Variants in PRMT8 observed in about 807,000 individuals in gnomAD.
PRMT8 encodes protein arginine methyltransferase 8.
PRMT8 carries 7 observed loss-of-function variants against 47.1 expected under a neutral mutation model. That is an observed-to-expected ratio of 0.15 (90% CI 0.08 to 0.28). The LOEUF (loss-of-function observed/expected upper bound fraction) is 0.28, where lower values mean the gene tolerates loss of function less well. Among genes scored for constraint, PRMT8 ranks in the 10% least tolerant of loss-of-function variants. The pLI is 1.00. For synonymous variants in PRMT8, 188 were observed against 186.5 expected, an observed-to-expected ratio of 1.01 and a Z score of -0.07; for missense variants, 237 against 505.4, an observed-to-expected ratio of 0.47 and a Z score of 5.09.
chr12:3,433,827 G>T (rs530967800), intron 1 of PRMT8, among the ~76,000 whole-genome samples: 17 of 152,110 alleles, frequency 1.1e-4, no homozygotes, highest in Non-Finnish European at 2.4e-4. Context: ...GGCCAGGCTG[G>T]TCTCGAACTC....
intron 1 of PRMT8, among the ~76,000 whole-genome samples, chr12:3,392,042 G>A (rs1256817391): frequency 6.6e-6 from 1 of 152,022 alleles, no homozygotes; most frequent in Non-Finnish European, 1.5e-5. Context: ...GAAAGTGCAG[G>A]GCAAATTAAG....
chr12:3,487,287 G>A (rs748228236), upstream of PRMT8, among the ~76,000 whole-genome samples: 4 of 152,134 alleles, frequency 2.6e-5, no homozygotes, highest in East Asian at 1.9e-4. Flanking sequence ...ATAATATGTC[G>A]CCCCTTTCAG....
At chr12:3,447,518 A>C (rs1864870863) in intron 1 of PRMT8, among the ~76,000 whole-genome samples, 1 of 151,990 alleles carries the variant, frequency 6.6e-6, no homozygotes, top group African/African-American at 2.4e-5. Flanking sequence ...TCAGTCACCA[A>C]ATTCCCACTC....
intron 1 of PRMT8, among the ~76,000 whole-genome samples, chr12:3,451,334 G>A (rs1308932953): frequency 1.3e-5 from 2 of 152,154 alleles, no homozygotes; most frequent in Admixed American, 1.3e-4. Flanking sequence ...AAGTCTTGCA[G>A]CTAGTTGTGG....
At chr12:3,532,727 G>A (rs1866052726) in intron 1 of PRMT8, among the ~76,000 whole-genome samples, 1 of 151,394 alleles carries the variant, frequency 6.6e-6, no homozygotes, top group Non-Finnish European at 1.5e-5. Flanking sequence ...TACAATGTGG[G>A]AAAATGTTAC....
intron 1 of PRMT8, among the ~76,000 whole-genome samples, chr12:3,531,675 G>A (rs1016632441): frequency 6.6e-6 from 1 of 152,184 alleles, no homozygotes; most frequent in Non-Finnish European, 1.5e-5. Flanking sequence ...TGCTGAGGGC[G>A]GCCTTCGCGT....
At chr12:3,387,169 A>G (rs1450972426) in intron 1 of PRMT8, among the ~76,000 whole-genome samples, 1 of 152,240 alleles carries the variant, frequency 6.6e-6, no homozygotes, top group East Asian at 1.9e-4. Flanking sequence ...TATACATGCA[A>G]TAGGGCCTGC....
intron 1 of PRMT8, among the ~76,000 whole-genome samples, chr12:3,513,057 A>G (rs1865736355): frequency 6.6e-6 from 1 of 152,188 alleles, no homozygotes; most frequent in South Asian, 2.1e-4. Flanking sequence ...GAGAACTGCA[A>G]CACCGGGGAT....
intron 1 of PRMT8, among the ~76,000 whole-genome samples, chr12:3,428,459 T>C (rs1445526832): frequency 6.6e-6 from 1 of 152,082 alleles, no homozygotes; most frequent in Admixed American, 6.5e-5. Flanking sequence ...CAGCTGCGGG[T>C]CACTGGGTTA....
rs1158552768 is a variant in PRMT8, at chr12:3,569,963, G to T, written c.712+399G>T. 6.6e-6 allele frequency among the ~76,000 whole-genome samples: 1 copy of T among 152,180 alleles called. No individual in the cohort carries two copies. The highest frequency in any genetic ancestry group is 1.9e-4 in the East Asian group (1 of 5,198). On this transcript the variant is annotated intron_variant, in intron 6 of 9. Coordinates refer to ENST00000382622, the MANE Select transcript of PRMT8 (RefSeq NM_019854.5). This position sits in a 1 kb window ranked among gnomAD's most constrained non-coding sequence, Gnocchi z 8.2. ...TAGCAGGTCTCTTGCCAGGCCAATT[G>T]TTTTGAATCCTGCCTCCATTCCATT... is the stretch of plus-strand genomic sequence containing the variant.
chr12:3,397,429 A>G (rs1864264162), intron 1 of PRMT8, among the ~76,000 whole-genome samples: 1 of 151,048 alleles, frequency 6.6e-6, no homozygotes, highest in Admixed American at 6.6e-5. Context: ...TCCTTTTAAC[A>G]GACAGGACCC....
chr12:3,575,632 A>G (rs76692071), intron 6 of PRMT8, among the ~76,000 whole-genome samples: 1,983 of 152,338 alleles, frequency 0.013, 49 homozygotes, highest in African/African-American at 0.045. Flanking sequence ...TCTCCCAGCC[A>G]CAGTTTTCTC....
At chr12:3,568,300 G>A (rs1866766032) in intron 4 of PRMT8, among the ~76,000 whole-genome samples, 1 of 151,878 alleles carries the variant, frequency 6.6e-6, no homozygotes, top group African/African-American at 2.4e-5. Context: ...GCTGTCTCAG[G>A]GGTGGCTGGA....
In PRMT8 at chr12:3,540,613, G is replaced by GCCCCCCCCAC; in HGVS notation, c.90_91insCACCCCCCCC (p.Ser31HisfsTer14). Reference sequence around the variant, plus strand: ...CCCTTCTCTTCCCCTCAGGTGAACAGCCCCCCCTCCCAGCCCCCCCAGCCC... The same window carrying GCCCCCCCCAC: ...CCCTTCTCTTCCCCTCAGGTGAACAGCCCCCCCCACCCCCCCCTCCCAGCCCCCCCAGCCC... On this transcript the variant is annotated frameshift_variant, in exon 2 of 10. Transcript: ENST00000382622. LOFTEE classifies it high-confidence loss of function. 8.8e-7 allele frequency: 1 copy of GCCCCCCCCAC among 1,130,522 alleles called. No homozygotes were observed. Among genetic ancestry groups the GCCCCCCCCAC allele is most frequent in the Non-Finnish European group, 1.3e-6 (1 of 752,492 alleles). 70.0% of individuals were successfully genotyped at this position (1,130,522 alleles called of 1,614,324 possible).
At chr12:3,437,894 G>A (rs1864761710) in intron 1 of PRMT8, among the ~76,000 whole-genome samples, 1 of 152,166 alleles carries the variant, frequency 6.6e-6, no homozygotes, top group African/African-American at 2.4e-5. Flanking sequence ...CCTGACACAC[G>A]GCGAGGGCCC....
intron 1 of PRMT8, among the ~76,000 whole-genome samples, chr12:3,382,686 A>G (rs555951785): frequency 2.6e-4 from 39 of 152,196 alleles, no homozygotes; most frequent in Non-Finnish European, 3.8e-4. Flanking sequence ...TCCTTTTAAC[A>G]GGATTTCTCA....
At chr12:3,567,316 T>C (rs1376928480) in intron 4 of PRMT8, among the ~76,000 whole-genome samples, 1 of 152,226 alleles carries the variant, frequency 6.6e-6, no homozygotes, top group African/African-American at 2.4e-5. Context: ...TCTAAAGTCG[T>C]ACAGCTAATG....
At chr12:3,518,988 A>T (rs889647910) in intron 1 of PRMT8, among the ~76,000 whole-genome samples, 6 of 151,672 alleles carry the variant, frequency 4.0e-5, no homozygotes, top group African/African-American at 1.5e-4. Flanking sequence ...CTTTTGTAAG[A>T]AGAGAAAAAA....
At chr12:3,531,598 G>T (rs1866031773) in intron 1 of PRMT8, among the ~76,000 whole-genome samples, 1 of 152,220 alleles carries the variant, frequency 6.6e-6, no homozygotes. Context: ...ATTTGAAGCA[G>T]ACATTGTTGT....
Sources: allele counts gnomAD v4.1 joint callset (sites outside exome capture counted in the v4.1 genomes callset), GRCh38; gene constraint gnomAD v4.1.1; non-coding constraint Gnocchi (gnomAD v3.1); transcripts MANE v1.5; gene names NCBI Gene and HGNC (gene_info 2026-07-23, HGNC 2026-07-21).